Variants in GPHN observed in about 807,000 individuals in gnomAD.
GPHN encodes gephyrin.
In GPHN, 17 loss-of-function variants were observed where a neutral mutation model predicts 95.5. The ratio of observed to expected loss-of-function variants is 0.18; its 90% CI spans 0.12 to 0.27. GPHN has a LOEUF of 0.27. GPHN is among the 10% of genes least tolerant of loss of function. The probability of loss-of-function intolerance (pLI) is 1.00; values close to 1 mark genes in which losing one functional copy is unlikely to be tolerated. For synonymous variants in GPHN, 320 were observed against 322.5 expected (o/e 0.99, Z 0.08); for missense variants, 660 against 978.1 (o/e 0.67, Z 4.34).
chr14:66,639,766 C>T (rs2064292435), intron 1 of GPHN, among the ~76,000 whole-genome samples: 1 of 151,744 alleles, frequency 6.6e-6, no homozygotes, highest in Non-Finnish European at 1.5e-5. Context: ...AACATATAAA[C>T]TATAGATGAT....
chr14:66,701,478 A>G (rs1295034131), intron 2 of GPHN, among the ~76,000 whole-genome samples: 1 of 152,182 alleles, frequency 6.6e-6, no homozygotes, highest in Non-Finnish European at 1.5e-5. Context: ...CAGGCTGTCT[A>G]ATCAGAAATG....
At chr14:67,659,974 T>C in the GPHN span, 5 of 1,555,592 alleles carry the variant, frequency 3.2e-6, no homozygotes, top group Non-Finnish European at 4.4e-6. Context: ...CCTCACTCAT[T>C]TGGAAATATG....
chr14:67,153,404 T>C (rs777535917), intron 18 of GPHN, among the ~76,000 whole-genome samples: 2 of 152,226 alleles, frequency 1.3e-5, no homozygotes, highest in Non-Finnish European at 2.9e-5. Context: ...TCTTCCAGGC[T>C]GCAGATAGCT....
chr14:67,654,431 G>T, the GPHN span, among the ~76,000 whole-genome samples: 8 of 152,020 alleles, frequency 5.3e-5, no homozygotes, highest in Non-Finnish European at 1.5e-5. Context: ...GTGTAAGCCC[G>T]GCCTCCTTGG....
At chr14:67,023,744 GAAAA>G in intron 10 of GPHN, 69 bp downstream of exon 10, 2 of 1,272,646 alleles carry the variant, frequency 1.6e-6, no homozygotes, top group Non-Finnish European at 2.3e-6. Context: ...ATATTTTGGT[GAAAA>G]AAAAGAAGAA....
intron 2 of GPHN, among the ~76,000 whole-genome samples, chr14:66,752,430 A>G (rs1206232468): frequency 2.0e-5 from 3 of 152,060 alleles, no homozygotes; most frequent in African/African-American, 4.8e-5. Context: ...TTGAATAGAA[A>G]CCACTGTAGG....
At chr14:67,622,200 C>T in the GPHN span, among the ~76,000 whole-genome samples, 1 of 152,214 alleles carries the variant, frequency 6.6e-6, no homozygotes, top group Non-Finnish European at 1.5e-5. Context: ...GGATCATTCA[C>T]ATATCTTTTC....
At chr14:67,359,004 A>G in the GPHN span, among the ~76,000 whole-genome samples, 1 of 152,224 alleles carries the variant, frequency 6.6e-6, no homozygotes, top group Non-Finnish European at 1.5e-5. Flanking sequence ...ACAAATATCT[A>G]CTTTACAGCG....
chr14:67,258,959 C>T, the GPHN span, among the ~76,000 whole-genome samples: 4 of 152,040 alleles, frequency 2.6e-5, no homozygotes, highest in African/African-American at 7.2e-5. Flanking sequence ...TTTCCTGCCT[C>T]ACCCTCCCGA....
chr14:67,375,221 C>T, the GPHN span, among the ~76,000 whole-genome samples: 5 of 147,830 alleles, frequency 3.4e-5, no homozygotes, highest in African/African-American at 1.3e-4. Flanking sequence ...TCATCCTCTA[C>T]ATCCTCAGTT....
the GPHN span, among the ~76,000 whole-genome samples, chr14:67,651,896 T>C: frequency 6.6e-6 from 1 of 152,184 alleles, no homozygotes; most frequent in Non-Finnish European, 1.5e-5. Flanking sequence ...CTGCCCTATT[T>C]TTCCCTTTGC....
In GPHN at chr14:67,058,773, C is replaced by G. The variant is rs771926901; in HGVS notation, c.1131C>G (p.Ile377Met). Reference sequence around the variant, plus strand: ...TGACTCCGGTGCTTGGGACAGAAATCATCAATTACCGAGGTACTATTATAT... The same window carrying G: ...TGACTCCGGTGCTTGGGACAGAAATGATCAATTACCGAGGTACTATTATAT... Reference protein sequence around the residue: ...LEMTPVLGTEIINYRDGMGRV... With the variant: ...LEMTPVLGTEMINYRDGMGRV... Residue 377 changes from isoleucine to methionine, a missense_variant, in exon 11 of 23, where the codon ATC becomes ATG. Physicochemically the swap from Ile to Met is conservative, Grantham distance 10. This residue lies in a region of GPHN where 257 missense variants were observed against 376.2 expected (regional missense o/e 0.68). Coordinates refer to ENST00000478722, the MANE Select transcript of GPHN (RefSeq NM_020806.5). The G allele has an allele frequency of 6.2e-7, 1 of 1,613,514 alleles. No individual in the cohort carries two copies. The highest frequency in any genetic ancestry group is 8.5e-7 in the Non-Finnish European group (1 of 1,179,502).
chr14:66,757,042 T>C (rs1278596130), intron 2 of GPHN, among the ~76,000 whole-genome samples: 1 of 152,142 alleles, frequency 6.6e-6, no homozygotes, highest in Non-Finnish European at 1.5e-5. Context: ...TTAAAACCAA[T>C]GCAGTTAGCG....
intron 7 of GPHN, among the ~76,000 whole-genome samples, chr14:66,923,662 C>T (rs2066334407): frequency 6.6e-6 from 1 of 151,870 alleles, no homozygotes; most frequent in South Asian, 2.1e-4. Context: ...TTAATATCTA[C>T]AGAAAGTAGC....
At chr14:67,413,745 A>G in the GPHN span, among the ~76,000 whole-genome samples, 31 of 152,306 alleles carry the variant, frequency 2.0e-4, no homozygotes, top group Admixed American at 5.9e-4. Flanking sequence ...ACTGGCCTTC[A>G]GACTTCCCAG....
the GPHN span, among the ~76,000 whole-genome samples, chr14:67,432,466 A>T: frequency 1.3e-5 from 2 of 152,222 alleles, no homozygotes; most frequent in African/African-American, 4.8e-5. Context: ...TCCTGTCTTG[A>T]GTATTTACCT....
chr14:67,346,646 CT>C, the GPHN span, among the ~76,000 whole-genome samples: 1 of 152,102 alleles, frequency 6.6e-6, no homozygotes, highest in Non-Finnish European at 1.5e-5. Context: ...AAAGTTAATA[CT>C]TTACTTTGGA....
chr14:67,668,532 GAATAGA>G, the GPHN span, among the ~76,000 whole-genome samples: 11 of 152,184 alleles, frequency 7.2e-5, no homozygotes, highest in African/African-American at 2.7e-4. Flanking sequence ...GTGGACAACA[GAATAGA>G]AATAAATCAC....
intron 10 of GPHN, among the ~76,000 whole-genome samples, chr14:67,026,869 C>T (rs10137618): frequency 0.25 from 37,557 of 152,060 alleles, 9,685 homozygotes; most frequent in African/African-American, 0.62. Flanking sequence ...GTCTCGATCT[C>T]CTGACCTCGT....
Sources: gnomAD v4.1 joint callset for allele counts (sites outside exome capture counted in the v4.1 genomes callset) on GRCh38, gnomAD v4.1.1 for gene constraint, gnomAD v4.1.1 regional missense constraint, MANE v1.5 for transcripts, NCBI Gene and HGNC (gene_info 2026-07-23, HGNC 2026-07-21) for gene names.